Variants in DMD observed in about 807,000 individuals in gnomAD.
DMD encodes dystrophin.
A neutral mutation model predicts 330.1 loss-of-function variants in DMD; 63 were observed. The ratio of observed to expected loss-of-function variants is 0.19; its 90% confidence interval spans 0.16 to 0.24. DMD has a LOEUF of 0.24. Ranked by LOEUF, DMD falls within the 10% of genes least tolerant of loss-of-function variation. DMD has a pLI of 1.00. For synonymous variants in DMD, 1,223 were observed against 959.8 expected (o/e 1.27, Z -5.07); for missense variants, 3,344 against 2,684.1 (o/e 1.25, Z -5.43).
chrX:31,833,273 GGAGAGAGAGAGA>G (rs1248049970), intron 49 of DMD, among the ~76,000 whole-genome samples: 1 of 49,857 alleles, frequency 2.0e-5, no homozygotes, highest in Non-Finnish European at 3.2e-5. Flanking sequence ...GGAGGAAGGG[GGAGAGAGAGAGA>G]GAGAGAGGGA....
In DMD at chrX:33,330,826, TGTTCA is replaced by T. The variant is rs749004215; in HGVS notation, c.7+8428_7+8432del. On this transcript the variant is annotated intron_variant, in intron 1 of 17. Coordinates refer to the DMD transcript ENST00000288447. ...TTTTTCACTGGATTTGCTTTCTTTCTGTTCAGTTATCATTTTGCTCTTTGATGGAC... is the reference window on the plus strand; with the variant it reads ...TTTTTCACTGGATTTGCTTTCTTTCTGTTATCATTTTGCTCTTTGATGGAC... Among the ~76,000 whole-genome samples the T allele has an allele frequency of 1.9e-3, 212 of 111,964 alleles. 3 individuals carry two copies. Among genetic ancestry groups the T allele is most frequent in the African/African-American group, 6.8e-3 (209 of 30,810 alleles).
At chrX:31,209,770 G>T in intron 64 of DMD, 71 bp from the exon 65 acceptor site, 1 of 1,011,716 alleles carries the variant, frequency 9.9e-7, no homozygotes, top group Non-Finnish European at 1.4e-6. Context: ...TTTTTCCTCT[G>T]AGAATCCTAG....
At chrX:32,258,052 C>T (rs1191113878) in intron 43 of DMD, among the ~76,000 whole-genome samples, 8 of 110,607 alleles carry the variant, frequency 7.2e-5, no homozygotes, top group African/African-American at 2.0e-4. Context: ...AGCCAGCAAA[C>T]ATATCAAAAA....
At position 32,362,698 on chromosome X, in the gene DMD, G is replaced by T. The variant is rs967711762; in HGVS notation, c.5325+90C>A. On this transcript the variant is annotated intron_variant, in intron 37 of 78. Coordinates refer to ENST00000357033, the MANE Select transcript of DMD (RefSeq NM_004006.3). ...TCATTTTCCTTTTGAAAACCTTGCTGTGGGGTCTACTTGCCCCTTTCAGAG... is the reference window on the plus strand; with the variant it reads ...TCATTTTCCTTTTGAAAACCTTGCTTTGGGGTCTACTTGCCCCTTTCAGAG... 65 of 1,023,932 alleles carry T rather than the reference G, an allele frequency of 6.3e-5. 1 individual carries two copies. Among genetic ancestry groups the T allele is most frequent in the Non-Finnish European group, 8.8e-5 (64 of 727,553 alleles). The allele number at this position is 1,023,932 out of a possible 1,213,427, so 84.4% of individuals were successfully genotyped here. A position where few individuals can be genotyped will look rare whatever the true frequency, so the allele number is the denominator to read the frequency against.
chrX:32,070,545 A>G (rs1220676642), intron 44 of DMD, among the ~76,000 whole-genome samples: 1 of 111,017 alleles, frequency 9.0e-6, no homozygotes, highest in African/African-American at 3.3e-5. Context: ...ATCAACCCAA[A>G]TGCCCATCAA....
chrX:32,880,776 C>A (rs1348868617), intron 2 of DMD, among the ~76,000 whole-genome samples: 1 of 111,714 alleles, frequency 9.0e-6, no homozygotes, highest in Non-Finnish European at 1.9e-5. Context: ...GAAACCTCAT[C>A]TCTACTACAA....
At position 31,695,478 on chromosome X, in the gene DMD, T is replaced by C. The variant is rs772007865; in HGVS notation, c.7661-15892A>G. Among the ~76,000 whole-genome samples, 3 of 110,486 alleles carry C rather than the reference T, an allele frequency of 2.7e-5. No homozygotes were observed. In the East Asian group the frequency reaches 8.5e-4, roughly 31 times the overall value. On this transcript the variant is annotated intron_variant, in intron 52 of 78. Transcript: ENST00000357033. ...ATGCTTGACAGGATGGATGCCTCAT[T>C]CTCCATGATGTGCTTGTTTCACATT...
At chrX:32,336,286 G>C (rs2097715209) in intron 41 of DMD, among the ~76,000 whole-genome samples, 1 of 111,184 alleles carries the variant, frequency 9.0e-6, no homozygotes, top group Non-Finnish European at 1.9e-5. Context: ...AAAGAGCTGG[G>C]ATTACAGTTG....
rs373756528 is a variant in DMD, at chrX:31,786,136, C to T, written c.7310-11944G>A. 2.7e-5 allele frequency among the ~76,000 whole-genome samples: 3 copies of T among 111,712 alleles called. No individual in the cohort carries two copies. The East Asian group carries it at 8.5e-4, about 32-fold the overall frequency. ...TGTTGTTTCCTGACTTTTTAATGAT[C>T]GCCTTTCTAACTGATGTGAGATGGT... On this transcript the variant is annotated intron_variant, in intron 50 of 78. Transcript: ENST00000357033.
chrX:32,092,724 CTTTTTTTTTTTTTTTTTT>C (rs11315047), intron 44 of DMD, among the ~76,000 whole-genome samples: 1 of 39,796 alleles, frequency 2.5e-5, no homozygotes, highest in Admixed American at 3.3e-4. Flanking sequence ...GTTATTTTCA[CTTTTTTTTTTTTTTTTTT>C]TTTTTTTTTT....
intron 9 of DMD, among the ~76,000 whole-genome samples, chrX:32,669,467 C>T (rs974862919): frequency 2.7e-5 from 3 of 111,752 alleles, no homozygotes; most frequent in African/African-American, 6.5e-5. Flanking sequence ...ATAGATAGAT[C>T]GATCAACAAA....
intron 9 of DMD, among the ~76,000 whole-genome samples, chrX:32,677,112 A>G (rs1257960368): frequency 9.0e-6 from 1 of 111,613 alleles, no homozygotes; most frequent in Non-Finnish European, 1.9e-5. Flanking sequence ...AAACTCCTAT[A>G]AAATTAATTG....
intron 1 of DMD, among the ~76,000 whole-genome samples, chrX:33,087,039 G>C (rs185357105): frequency 1.8e-5 from 2 of 111,314 alleles, no homozygotes; most frequent in African/African-American, 6.5e-5. Flanking sequence ...AGGAAACACA[G>C]GTGCTTCTAA....
At chrX:31,212,779 T>C (rs1333086323) in intron 64 of DMD, among the ~76,000 whole-genome samples, 2 of 111,258 alleles carry the variant, frequency 1.8e-5, no homozygotes, top group African/African-American at 6.6e-5. Context: ...TGGAGGTACA[T>C]ATTGTAAGGG....
chrX:32,438,473 A>T (rs2098269726), intron 28 of DMD, 83 bp from the exon 29 acceptor site: 2 of 1,057,278 alleles, frequency 1.9e-6, no homozygotes, highest in Admixed American at 4.7e-5. Context: ...GTATCTTCTG[A>T]TTTACATATA....
intron 1 of DMD, among the ~76,000 whole-genome samples, chrX:33,177,411 G>T (rs921368266): frequency 1.8e-5 from 2 of 111,565 alleles, no homozygotes; most frequent in African/African-American, 3.3e-5. Flanking sequence ...TTGAGACAGG[G>T]TCTCACTCTG....
At chrX:31,250,232 T>C (rs1205205647) in intron 63 of DMD, among the ~76,000 whole-genome samples, 2 of 111,672 alleles carry the variant, frequency 1.8e-5, no homozygotes, top group Admixed American at 1.9e-4. Flanking sequence ...ACTTATCACA[T>C]TATATACATT....
At position 32,628,058 on chromosome X, in the gene DMD, C is replaced by G. The variant is rs780236100; in HGVS notation, c.1332-13605G>C. 2.8e-3 allele frequency among the ~76,000 whole-genome samples: 304 copies of G among 108,819 alleles called. 1 individual carries two copies. Among genetic ancestry groups the G allele is most frequent in the Admixed American group, 4.8e-3 (48 of 10,077 alleles). The allele number at this position is 108,819 out of a possible 115,157, so 94.5% of individuals were successfully genotyped here. On this transcript the variant is annotated intron_variant, in intron 11 of 78. Coordinates refer to ENST00000357033, the MANE Select transcript of DMD (RefSeq NM_004006.3). ...TTATGTGACAAACATTCCAATTATA[C>G]TTTTTGTTATTTTAAAACGTACAAC...
chrX:31,911,834 G>A (rs957232857), intron 47 of DMD, among the ~76,000 whole-genome samples: 2 of 111,388 alleles, frequency 1.8e-5, no homozygotes, highest in Non-Finnish European at 3.8e-5. Flanking sequence ...ACGAGAAGTT[G>A]CCGAGGAACT....
Sources: allele counts gnomAD v4.1 joint callset (sites outside exome capture counted in the v4.1 genomes callset), GRCh38; gene constraint gnomAD v4.1.1; transcripts MANE v1.5; gene names NCBI Gene and HGNC (gene_info 2026-07-23, HGNC 2026-07-21).